EFCAB3: variants seen among roughly 807,000 people sequenced by gnomAD.
The protein encoded by EFCAB3 is EF-hand calcium-binding domain-containing protein 3.
Under a neutral mutation model 42.2 loss-of-function variants are expected in EFCAB3, and 36 were observed. The ratio of observed to expected loss-of-function variants is 0.85; its 90% CI spans 0.65 to 1.13. EFCAB3 has a LOEUF of 1.13. Ranked by LOEUF, EFCAB3 falls within the 50% of genes most tolerant of loss-of-function variation. EFCAB3 has a pLI of 0.00. For synonymous variants in EFCAB3, 170 were observed against 172.8 expected, an observed-to-expected ratio of 0.98 and a Z score of 0.13; for missense variants, 418 against 505.1, an observed-to-expected ratio of 0.83 and a Z score of 1.65.
intron 2 of EFCAB3, among the ~76,000 whole-genome samples, chr17:62,385,754 C>T (rs1318830202): frequency 7.9e-6 from 1 of 125,906 alleles, no homozygotes; most frequent in Non-Finnish European, 1.6e-5. Context: ...GAGTCTTGCT[C>T]TGTCACCCAG....
intron 6 of EFCAB3, among the ~76,000 whole-genome samples, chr17:62,402,861 A>T (rs527866142): frequency 1.3e-5 from 2 of 152,308 alleles, no homozygotes; most frequent in South Asian, 4.1e-4. Context: ...TTTCAGAAGA[A>T]TGGTACCAGC....
intron 6 of EFCAB3, among the ~76,000 whole-genome samples, chr17:62,405,704 A>G (rs2070441719): frequency 6.6e-6 from 1 of 152,214 alleles, no homozygotes. Flanking sequence ...TGTTTATACT[A>G]TGGATCAGAG....
intron 2 of EFCAB3, among the ~76,000 whole-genome samples, chr17:62,385,347 G>A (rs1434826376): frequency 6.6e-6 from 1 of 152,122 alleles, no homozygotes; most frequent in African/African-American, 2.4e-5. Flanking sequence ...GGAAACTGAG[G>A]TGGAAGGATC....
chr17:62,413,722 A>G lies in EFCAB3; in HGVS notation c.868-10A>G, dbSNP rs1206483319. ...GTATTACTAACCTTCTTTTTTAAAT[A>G]TGCATAAAGGCAGCAAATATAAAGT... On this transcript the variant is annotated splice_polypyrimidine_tract_variant and intron_variant, in intron 8 of 9. Coordinates refer to ENST00000305286, the MANE Select transcript of EFCAB3 (RefSeq NM_173503.4). 15 of 1,572,672 alleles carry G rather than the reference A, an allele frequency of 9.5e-6. No homozygotes were observed. The East Asian group carries it at 2.9e-4, about 31-fold the overall frequency.
chr17:62,414,385 A>T (rs1167454751), intron 9 of EFCAB3, among the ~76,000 whole-genome samples: 1 of 152,214 alleles, frequency 6.6e-6, no homozygotes, highest in Non-Finnish European at 1.5e-5. Context: ...TGTACTGATT[A>T]CTGTTAAAGT....
chr17:62,383,027 A>G lies in EFCAB3; in HGVS notation c.48A>G (p.Thr16=), dbSNP rs761090432. ...CAAAACTTAAGCTGAATCCTCTAAC[A>G]AAAGTACCCATCTCCCACAATAAAA... ...IKPKLKLNPL[T]KVPISHNKRD... The change falls in exon 2 of 10, where the codon ACA becomes ACG. Residue 16 remains threonine (T), a synonymous_variant. Transcript: ENST00000305286. The G allele has an allele frequency of 1.9e-6, 3 of 1,613,516 alleles. No individual in the cohort carries two copies. Among genetic ancestry groups the G allele is most frequent in the African/African-American group, 2.7e-5 (2 of 74,898 alleles).
chr17:62,402,040 T>C (rs907651074), intron 6 of EFCAB3, among the ~76,000 whole-genome samples: 15 of 152,206 alleles, frequency 9.9e-5, no homozygotes, highest in Admixed American at 9.8e-4. Flanking sequence ...TATTTTATTC[T>C]CTTTGAAGCA....
chr17:62,395,227 A>C, intron 6 of EFCAB3, 39 bp downstream of exon 6: 1 of 1,603,654 alleles, frequency 6.2e-7, no homozygotes, highest in Non-Finnish European at 8.5e-7. Flanking sequence ...GCCTTCTCAG[A>C]AGCATTATGA....
At chr17:62,396,265 G>C (rs1046258399) in intron 6 of EFCAB3, among the ~76,000 whole-genome samples, 2 of 152,110 alleles carry the variant, frequency 1.3e-5, no homozygotes, top group Admixed American at 1.3e-4. Context: ...CTTGAAAATT[G>C]AAGCTTCAGC....
At chr17:62,378,853 G>A (rs537335295), upstream of EFCAB3, among the ~76,000 whole-genome samples, 4 of 151,786 alleles carry the variant, frequency 2.6e-5, no homozygotes, top group African/African-American at 7.3e-5. Context: ...CAGCAAACCC[G>A]CATGGCACGT....
chr17:62,414,774 G>A (rs1273848088), intron 9 of EFCAB3, among the ~76,000 whole-genome samples: 2 of 152,056 alleles, frequency 1.3e-5, no homozygotes, highest in African/African-American at 4.8e-5. Context: ...CCTCACATCT[G>A]CTAATCCCCA....
At chr17:62,375,158 A>G (rs1458777885) in intron 2 of EFCAB3, among the ~76,000 whole-genome samples, 1 of 152,212 alleles carries the variant, frequency 6.6e-6, no homozygotes, top group Non-Finnish European at 1.5e-5. Context: ...TTTAAGGTAT[A>G]TTATGCAAGT....
chr17:62,406,078 G>A (rs565389115), intron 6 of EFCAB3, among the ~76,000 whole-genome samples: 1 of 146,740 alleles, frequency 6.8e-6, no homozygotes, highest in Admixed American at 6.6e-5. Context: ...AACAAAACAG[G>A]GAGGTCAGAG....
intron 1 of EFCAB3, chr17:62,373,760 C>A: frequency 9.7e-7 from 1 of 1,028,878 alleles, no homozygotes; most frequent in Non-Finnish European, 1.5e-6. Flanking sequence ...AATTTCACAA[C>A]TGTTATGAAT....
chr17:62,401,856 T>A (rs1269791129), intron 6 of EFCAB3, among the ~76,000 whole-genome samples: 4 of 152,222 alleles, frequency 2.6e-5, no homozygotes, highest in Admixed American at 6.5e-5. Context: ...GGGGATGGCA[T>A]TGAATCTATA....
At chr17:62,388,220 A>C (rs1235955285) in intron 3 of EFCAB3, among the ~76,000 whole-genome samples, 1 of 152,212 alleles carries the variant, frequency 6.6e-6, no homozygotes, top group Non-Finnish European at 1.5e-5. Context: ...CGAAAAAAAA[A>C]AGCCATGAAC....
chr17:62,378,090 C>A, upstream of EFCAB3: 1 of 1,249,830 alleles, frequency 8.0e-7, no homozygotes, highest in Non-Finnish European at 1.1e-6. Context: ...TTTTTAATAC[C>A]TTAGTTACTT....
intron 9 of EFCAB3, among the ~76,000 whole-genome samples, chr17:62,415,118 A>C (rs573476415): frequency 5.3e-5 from 8 of 150,412 alleles, no homozygotes; most frequent in South Asian, 2.1e-4. Context: ...ACAAAAAAAA[A>C]CAAAAAAAAA....
At chr17:62,413,881 C>T in intron 9 of EFCAB3, 27 bp downstream of exon 9, 2 of 1,596,218 alleles carry the variant, frequency 1.3e-6, no homozygotes, top group Non-Finnish European at 8.5e-7. Context: ...GAGTTCCTTC[C>T]CAGAAATCAC....
Sources: allele counts gnomAD v4.1 joint callset (sites outside exome capture counted in the v4.1 genomes callset), GRCh38; gene constraint gnomAD v4.1.1; transcripts MANE v1.5; gene names NCBI Gene and HGNC (gene_info 2026-07-23, HGNC 2026-07-21).